Variants in WWOX observed in about 807,000 individuals in gnomAD.
The protein encoded by WWOX is WW domain-containing oxidoreductase.
In WWOX, 69 loss-of-function variants were observed where a neutral mutation model predicts 46.2. The observed-to-expected ratio is 1.49, with a 90% CI of 1.23 to 1.82. The LOEUF is 1.82. WWOX is among the 40% of genes most tolerant of loss of function. WWOX has a pLI of 0.00. For synonymous variants in WWOX, 359 were observed against 202.6 expected (o/e 1.77, Z -6.56); for missense variants, 919 against 542.6 (o/e 1.69, Z -6.89).
chr16:78,498,915 T>G (rs1304149971), intron 8 of WWOX, among the ~76,000 whole-genome samples: 1 of 152,202 alleles, frequency 6.6e-6, no homozygotes, highest in African/African-American at 2.4e-5. Context: ...GTCTCTCCTT[T>G]ATTGGCATTG....
rs140305580 is a variant in WWOX, at chr16:78,783,849, G to A, written c.1056+351097G>A. On this transcript the variant is annotated intron_variant, in intron 8 of 8. Coordinates refer to ENST00000566780, the MANE Select transcript of WWOX (RefSeq NM_016373.4). ...GATGCTGATGGTGGTGATGATGATG[G>A]TGATATGACGCTGATGATGGTGATG... Among the ~76,000 whole-genome samples, 23 of 150,840 alleles carry A rather than the reference G, an allele frequency of 1.5e-4. 1 individual carries two copies. In the East Asian group the frequency reaches 4.5e-3, roughly 30 times the overall value.
chr16:78,984,678 C>T (rs1443867701), intron 8 of WWOX, among the ~76,000 whole-genome samples: 1 of 152,202 alleles, frequency 6.6e-6, no homozygotes, highest in East Asian at 1.9e-4. Flanking sequence ...CCCTTAGGAA[C>T]CTTCTACCAA....
intron 8 of WWOX, among the ~76,000 whole-genome samples, chr16:78,875,356 A>G (rs1047735932): frequency 6.6e-6 from 1 of 152,112 alleles, no homozygotes. Context: ...TAGCTTTATG[A>G]TGCTCCCAGT....
intron 8 of WWOX, among the ~76,000 whole-genome samples, chr16:78,997,421 A>T (rs952348506): frequency 2.0e-5 from 3 of 152,192 alleles, no homozygotes; most frequent in Non-Finnish European, 4.4e-5. Context: ...TTTTTAAAAA[A>T]TAGGTTTGTT....
chr16:78,351,832 T>C (rs999092663), intron 5 of WWOX, among the ~76,000 whole-genome samples: 2 of 152,162 alleles, frequency 1.3e-5, no homozygotes, highest in African/African-American at 2.4e-5. Context: ...AATTTTTATA[T>C]TTTTACTCGA....
intron 6 of WWOX, among the ~76,000 whole-genome samples, chr16:78,389,984 T>G (rs1234666946): frequency 6.6e-6 from 1 of 152,190 alleles, no homozygotes; most frequent in Non-Finnish European, 1.5e-5. Flanking sequence ...TGACCTCAAG[T>G]GATCTCTCCA....
chr16:78,588,587 A>G (rs1440485955), intron 8 of WWOX, among the ~76,000 whole-genome samples: 1 of 152,166 alleles, frequency 6.6e-6, no homozygotes, highest in Non-Finnish European at 1.5e-5. Context: ...CAGTTAGTCT[A>G]TTTTTTGTAC....
intron 8 of WWOX, among the ~76,000 whole-genome samples, chr16:78,716,682 G>C (rs943222469): frequency 2.0e-5 from 3 of 151,980 alleles, no homozygotes; most frequent in African/African-American, 4.8e-5. Flanking sequence ...TCACACCCAA[G>C]GAGAATCATG....
chr16:78,390,865 GA>G (rs1357480349), intron 6 of WWOX, among the ~76,000 whole-genome samples: 1 of 152,112 alleles, frequency 6.6e-6, no homozygotes, highest in Non-Finnish European at 1.5e-5. Context: ...TTGAGGAGAG[GA>G]AAAAATCCCT....
chr16:79,028,405 C>T lies in WWOX; in HGVS notation c.1057-183203C>T, dbSNP rs185722207. Among the ~76,000 whole-genome samples, 434 of 151,962 alleles carry T rather than the reference C, an allele frequency of 2.9e-3. 1 individual carries two copies. Among genetic ancestry groups the T allele is most frequent in the Middle Eastern group, 6.8e-3 (2 of 292 alleles). On this transcript the variant is annotated intron_variant, in intron 8 of 8. Transcript: ENST00000566780. ...CATTCTACCTATGTTTTCACAGAAA[C>T]ATGAGGCAGTGTACAGCGCTTATCT...
chr16:78,415,729 G>A lies in WWOX; in HGVS notation c.606-9141G>A, dbSNP rs559920991. 2.0e-5 allele frequency among the ~76,000 whole-genome samples: 3 copies of A among 152,292 alleles called. No individual in the cohort carries two copies. The South Asian group carries it at 6.2e-4, about 32-fold the overall frequency. ...GAAGGAGCTGGTCCCTTTGCAGTAG[G>A]AAGTGCCACCTCACTCCACTCTTGC... On this transcript the variant is annotated intron_variant, in intron 6 of 8. Transcript: ENST00000566780.
intron 8 of WWOX, among the ~76,000 whole-genome samples, chr16:78,491,668 T>C (rs1454063467): frequency 6.6e-6 from 1 of 152,142 alleles, no homozygotes; most frequent in Non-Finnish European, 1.5e-5. Flanking sequence ...GAGGGTGCAT[T>C]GTGTACCTGT....
At chr16:79,208,628 TAAATTTTTTTTTTAATCAGTTTAAG>T (rs1039352915) in intron 8 of WWOX, among the ~76,000 whole-genome samples, 7 of 90,962 alleles carry the variant, frequency 7.7e-5, no homozygotes, top group African/African-American at 3.1e-4. Context: ...AAGTGCTCTT[TAAATTTTTTTTTTAATCAGTTTAAG>T]AATGCTTTCT....
chr16:79,203,984 C>T (rs192251566), intron 8 of WWOX: 5 of 152,248 alleles, frequency 3.3e-5, no homozygotes, highest in South Asian at 2.1e-4. Flanking sequence ...TCCTTTAGCA[C>T]GGGCATCAAG....
chr16:79,168,560 A>G (rs554584638), intron 8 of WWOX, among the ~76,000 whole-genome samples: 2 of 152,296 alleles, frequency 1.3e-5, no homozygotes, highest in African/African-American at 2.4e-5. Flanking sequence ...CTGAAGCTCC[A>G]TATTACCCAG....
chr16:78,529,016 C>T (rs912071491), intron 8 of WWOX, among the ~76,000 whole-genome samples: 5 of 149,290 alleles, frequency 3.3e-5, no homozygotes, highest in East Asian at 2.0e-4. Context: ...TACAGTGGCA[C>T]GATCTTGGCT....
intron 8 of WWOX, among the ~76,000 whole-genome samples, chr16:78,692,445 C>G (rs1176432930): frequency 6.6e-6 from 1 of 152,154 alleles, no homozygotes; most frequent in Non-Finnish European, 1.5e-5. Context: ...CAAGGAATTA[C>G]AGAAGAGTGA....
At chr16:78,655,910 G>C (rs1048562982) in intron 8 of WWOX, among the ~76,000 whole-genome samples, 3 of 152,188 alleles carry the variant, frequency 2.0e-5, no homozygotes, top group Non-Finnish European at 4.4e-5. Context: ...CTCTGTATTC[G>C]AGCGTGGTTA....
At chr16:78,575,900 A>G (rs1177339087) in intron 8 of WWOX, among the ~76,000 whole-genome samples, 2 of 152,124 alleles carry the variant, frequency 1.3e-5, no homozygotes, top group Non-Finnish European at 1.5e-5. Flanking sequence ...ACATCTTTTT[A>G]CCTCTTTATA....
Sources: allele counts gnomAD v4.1 joint callset (sites outside exome capture counted in the v4.1 genomes callset), GRCh38; gene constraint gnomAD v4.1.1; transcripts MANE v1.5; gene names NCBI Gene and HGNC (gene_info 2026-07-23, HGNC 2026-07-21).